REXO5: variants seen among roughly 807,000 people sequenced by gnomAD.
REXO5 encodes the protein exonuclease NEF-sp.
REXO5 carries 48 observed loss-of-function variants against 88.5 expected under a neutral mutation model. That is an observed-to-expected ratio of 0.54 (90% CI 0.43 to 0.69). The LOEUF (loss-of-function observed/expected upper bound fraction) is 0.69. Ranked by LOEUF, REXO5 falls within the 30% of genes least tolerant of loss-of-function variation. REXO5 has a pLI of 0.00. For missense variants in REXO5, 749 were observed against 912.2 expected (o/e 0.82, Z 2.30); for synonymous variants, 311 against 336.5 (o/e 0.92, Z 0.83).
intron 16 of REXO5, 41 bp from the exon 17 acceptor site, chr16:20,844,588 A>G (rs2081578273): frequency 6.3e-7 from 1 of 1,575,360 alleles, no homozygotes. Context: ...CCTGAGGATT[A>G]AATTGATTTT....
intron 14 of REXO5, 169 bp downstream of exon 14, chr16:20,840,028 G>A (rs909529598): frequency 4.7e-5 from 27 of 575,842 alleles, no homozygotes; most frequent in Middle Eastern, 4.5e-4. Context: ...ATCAGACTAT[G>A]CATACTGTTT....
Position 20,832,262 on chromosome 16 carries a change from A to G in REXO5, c.1262+3A>G. The G allele has an allele frequency of 5.0e-6, 8 of 1,588,928 alleles. No individual in the cohort carries two copies. Among genetic ancestry groups the G allele is most frequent in the South Asian group, 1.1e-5 (1 of 88,784 alleles). On this transcript the variant is annotated splice_donor_region_variant and intron_variant, in intron 12 of 19. Transcript: ENST00000261377. Reference sequence around the variant, plus strand: ...GTACTTCAGCACCCAAACACAAGGTAATATTTTCAGTTTGAAACAAGAGCA... The same window carrying G: ...GTACTTCAGCACCCAAACACAAGGTGATATTTTCAGTTTGAAACAAGAGCA...
At chr16:20,846,139 G>A in intron 18 of REXO5, 82 bp from the exon 19 acceptor site, 1 of 1,076,648 alleles carries the variant, frequency 9.3e-7, no homozygotes, top group East Asian at 2.4e-5. Flanking sequence ...TAGCCTTAGA[G>A]GCAGAGGAAG....
chr16:20,837,913 G>A (rs2081460143), intron 13 of REXO5, among the ~76,000 whole-genome samples: 1 of 152,036 alleles, frequency 6.6e-6, no homozygotes, highest in Non-Finnish European at 1.5e-5. Context: ...CTACAGGCAT[G>A]TGCCACCATG....
chr16:20,813,259 C>G lies in REXO5; in HGVS notation c.208C>G (p.Leu70Val). 1 of 1,613,592 alleles carries G rather than the reference C, an allele frequency of 6.2e-7. No homozygotes were observed. Among genetic ancestry groups the G allele is most frequent in the Non-Finnish European group, 8.5e-7 (1 of 1,179,848 alleles). Residue 70 changes from leucine (L) to valine (V), a missense_variant, in exon 3 of 20, where the codon CTG becomes GTG. By Grantham distance (32) the Leu-to-Val change is conservative. Coordinates refer to ENST00000261377, the MANE Select transcript of REXO5 (RefSeq NM_030941.3). ...AACCCATGACCAGCTGTGTGAATTG[C>G]TGAAGTATGCAGTTCTGGGCAAATC... Reference protein sequence around the residue: ...EVTHDQLCELLKYAVLGKSNV... With the variant: ...EVTHDQLCELVKYAVLGKSNV...
rs2081662522 is a variant in REXO5, at chr16:20,849,621, T to C, written c.*141T>C. ...CAGCTAAAAGAGTTTAGTTTGTTTA[T>C]ATGGCATGTATAAGTTTTCAATAAA... On this transcript the variant is annotated 3_prime_UTR_variant, in exon 20 of 20. Coordinates refer to ENST00000261377, the MANE Select transcript of REXO5 (RefSeq NM_030941.3). 1.8e-5 allele frequency: 12 copies of C among 674,090 alleles called. No individual in the cohort carries two copies. The East Asian group carries it at 1.9e-4, about 10-fold the overall frequency. 41.8% of individuals were successfully genotyped at this position (674,090 alleles called of 1,614,324 possible). A position where few individuals can be genotyped will look rare whatever the true frequency, so the allele number is the denominator to read the frequency against.
intron 13 of REXO5, among the ~76,000 whole-genome samples, chr16:20,833,582 C>T (rs965036762): frequency 9.9e-5 from 15 of 151,974 alleles, no homozygotes; most frequent in African/African-American, 3.6e-4. Flanking sequence ...TTACAGAAAG[C>T]GTGCATGAAT....
chr16:20,808,149 A>G (rs2152498399), intron 2 of REXO5, among the ~76,000 whole-genome samples: 1 of 152,214 alleles, frequency 6.6e-6, no homozygotes, highest in Non-Finnish European at 1.5e-5. Flanking sequence ...CCCCGAAACC[A>G]TCCCCCCAGC....
At position 20,845,218 on chromosome 16, in the gene REXO5, C is replaced by G. The variant is rs138880947; in HGVS notation, c.2101C>G (p.Pro701Ala). 24 of 1,613,066 alleles carry G rather than the reference C, an allele frequency of 1.5e-5. No homozygotes were observed. Among genetic ancestry groups the G allele is most frequent in the African/African-American group, 2.7e-5 (2 of 74,892 alleles). Residue 701 changes from proline (P) to alanine (A), a missense_variant, in exon 18 of 20, where the codon CCC becomes GCC. Transcript: ENST00000261377. ...RLPGLRVVPP[P>A]FEQEALQTLK... ...CCCAGGGCTTCGTGTTGTACCTCCC[C>G]CCTTTGAACAGGAGGCCTTGCAGGT...
Position 20,843,984 on chromosome 16 carries a change from A to G in REXO5, c.1677A>G (p.Ile559Met), listed in dbSNP as rs756086942. Residue 559 changes from isoleucine (I) to methionine (M), a missense_variant, in exon 16 of 20, where the codon ATA (isoleucine) becomes ATG (methionine). Coordinates refer to ENST00000261377, the MANE Select transcript of REXO5 (RefSeq NM_030941.3). ...YEVLEAAQLA[I>M]ESLDGILVDG... ...TCCTAGAAGCTGCCCAGCTGGCCAT[A>G]GAATCCTTGGATGGTATTCTGGTAG... 2 of 1,608,508 alleles carry G rather than the reference A, an allele frequency of 1.2e-6. No individual in the cohort carries two copies. Among genetic ancestry groups the G allele is most frequent in the South Asian group, 1.1e-5 (1 of 90,960 alleles).
Position 20,840,311 on chromosome 16 carries a change from T to C in REXO5, c.1489-20T>C. ...TTTCCATATTCATTCCCATACTATA[T>C]TCTGTTGTTTTTCCTACAGATGAGG... On this transcript the variant is annotated intron_variant, in intron 14 of 19. Coordinates refer to ENST00000261377, the MANE Select transcript of REXO5 (RefSeq NM_030941.3). 6.6e-7 allele frequency: 1 copy of C among 1,514,614 alleles called. No homozygotes were observed. The highest frequency in any genetic ancestry group is 9.0e-7 in the Non-Finnish European group (1 of 1,116,336). 93.8% of individuals were successfully genotyped at this position (1,514,614 alleles called of 1,614,324 possible).
intron 15 of REXO5, among the ~76,000 whole-genome samples, chr16:20,840,966 A>T (rs1326717024): frequency 6.6e-6 from 1 of 152,174 alleles, no homozygotes; most frequent in Non-Finnish European, 1.5e-5. Context: ...ATACTCTTTC[A>T]AAAAGAGAAG....
At chr16:20,837,980 C>T (rs1263578356) in intron 13 of REXO5, among the ~76,000 whole-genome samples, 1 of 152,010 alleles carries the variant, frequency 6.6e-6, no homozygotes, top group Non-Finnish European at 1.5e-5. Flanking sequence ...TGCCCAGGCT[C>T]GTCTCAAAAC....
chr16:20,826,639 A>G (rs1184140842), intron 8 of REXO5, among the ~76,000 whole-genome samples: 1 of 152,242 alleles, frequency 6.6e-6, no homozygotes, highest in Non-Finnish European at 1.5e-5. Context: ...ATGTGAGTAT[A>G]TAAATGTCTG....
At chr16:20,810,981 T>A (rs2080989213) in intron 2 of REXO5, among the ~76,000 whole-genome samples, 1 of 152,178 alleles carries the variant, frequency 6.6e-6, no homozygotes, top group Non-Finnish European at 1.5e-5. Flanking sequence ...TCCCTCAGCA[T>A]TGATGCCCTC....
intron 14 of REXO5, 156 bp downstream of exon 14, chr16:20,840,015 G>T (rs1447639401): frequency 1.7e-6 from 1 of 599,246 alleles, no homozygotes; most frequent in East Asian, 2.8e-5. Context: ...TATGAAAATG[G>T]GAATCAGACT....
At chr16:20,836,912 T>C (rs2081439533) in intron 13 of REXO5, among the ~76,000 whole-genome samples, 1 of 152,244 alleles carries the variant, frequency 6.6e-6, no homozygotes, top group African/African-American at 2.4e-5. Flanking sequence ...ATTTGCTATA[T>C]GTATCTCTTC....
upstream of REXO5, chr16:20,806,450 T>C (rs1567375254): frequency 1.9e-6 from 3 of 1,552,660 alleles, no homozygotes; most frequent in Admixed American, 5.9e-5. Flanking sequence ...TCCTTGCTTT[T>C]CCAAGTCCAG....
rs1285462838 is a variant in REXO5, at chr16:20,840,393, T to C, written c.1551T>C (p.Asn517=). The change falls in exon 15 of 20, where the codon AAT becomes AAC. Residue 517 remains asparagine (N), a synonymous_variant. Coordinates refer to ENST00000261377, the MANE Select transcript of REXO5 (RefSeq NM_030941.3). The part of the protein sequence containing the change: ...VYAGPFSKNC[N]LRALKRLFKS... ...CTGGGCCATTTAGCAAAAATTGCAA[T>C]CTCAGGGCTCTGAAGAGGCTGTTTA... The C allele has an allele frequency of 1.3e-6, 2 of 1,588,546 alleles. No individual in the cohort carries two copies. Among genetic ancestry groups the C allele is most frequent in the Non-Finnish European group, 1.7e-6 (2 of 1,160,982 alleles).
Sources: allele counts gnomAD v4.1 joint callset (sites outside exome capture counted in the v4.1 genomes callset), GRCh38; gene constraint gnomAD v4.1.1; transcripts MANE v1.5; gene names NCBI Gene and HGNC (gene_info 2026-07-23, HGNC 2026-07-21).